Variants in VSNL1 observed in about 807,000 individuals in gnomAD.
The protein encoded by VSNL1 is visinin-like protein 1.
A neutral mutation model predicts 20.4 loss-of-function variants in VSNL1; 6 were observed. That is an observed-to-expected ratio of 0.29 (90% CI 0.16 to 0.58). The LOEUF is 0.58. VSNL1 is among the 20% of genes least tolerant of loss of function. The pLI is 0.90. For synonymous variants in VSNL1, 93 were observed against 86.4 expected (o/e 1.08, Z -0.42); for missense variants, 100 against 234.5 (o/e 0.43, Z 3.75).
At chr2:17,599,663 C>T (rs920048330) in intron 2 of VSNL1, among the ~76,000 whole-genome samples, 2 of 152,140 alleles carry the variant, frequency 1.3e-5, no homozygotes, top group Admixed American at 1.3e-4. Flanking sequence ...TATTCTAACC[C>T]CTGTCAGTCT....
intron 2 of VSNL1, among the ~76,000 whole-genome samples, chr2:17,628,451 C>T (rs1665558386): frequency 1.3e-5 from 2 of 152,130 alleles, no homozygotes; most frequent in African/African-American, 4.8e-5. Flanking sequence ...CCACTAGGTA[C>T]CGAGGGGCAG....
chr2:17,633,786 C>G (rs1665691365), intron 2 of VSNL1, among the ~76,000 whole-genome samples: 1 of 152,064 alleles, frequency 6.6e-6, no homozygotes, highest in Non-Finnish European at 1.5e-5. Flanking sequence ...AGGGGAAGCC[C>G]TTAACTCAGC....
chr2:17,614,456 G>T lies in VSNL1; in HGVS notation c.162+22220G>T, dbSNP rs143590117. On this transcript the variant is annotated intron_variant, in intron 2 of 3. Coordinates refer to ENST00000295156, the MANE Select transcript of VSNL1 (RefSeq NM_003385.5). ...TCCCAAGCACTTTGGAGCCGACTCC[G>T]CCTTTGCTTAGCAGTCACAGGGAAG... 6.6e-5 allele frequency among the ~76,000 whole-genome samples: 10 copies of T among 152,298 alleles called. No homozygotes were observed. The East Asian group carries it at 1.9e-3, about 29-fold the overall frequency.
chr2:17,641,950 T>C (rs1665890846), intron 2 of VSNL1, among the ~76,000 whole-genome samples: 1 of 152,204 alleles, frequency 6.6e-6, no homozygotes, highest in Non-Finnish European at 1.5e-5. Context: ...GTCATGAAAG[T>C]AACATCCCTT....
chr2:17,624,274 C>G (rs536689030), intron 2 of VSNL1, among the ~76,000 whole-genome samples: 1 of 152,192 alleles, frequency 6.6e-6, no homozygotes, highest in Non-Finnish European at 1.5e-5. Context: ...AGGTCTGAGG[C>G]TCACTCGCTG....
intron 2 of VSNL1, among the ~76,000 whole-genome samples, chr2:17,640,728 G>C (rs988958634): frequency 6.6e-6 from 1 of 151,840 alleles, no homozygotes; most frequent in African/African-American, 2.4e-5. Context: ...ACAATTGTAC[G>C]TATTTGTGGG....
intron 1 of VSNL1, among the ~76,000 whole-genome samples, chr2:17,579,423 C>T (rs1664298189): frequency 6.6e-6 from 1 of 152,144 alleles, no homozygotes; most frequent in Non-Finnish European, 1.5e-5. Context: ...CCACAAAGCC[C>T]ACTTCTTTCT....
intron 1 of VSNL1, among the ~76,000 whole-genome samples, chr2:17,591,080 A>AT (rs898520571): frequency 6.6e-6 from 1 of 152,064 alleles, no homozygotes; most frequent in Non-Finnish European, 1.5e-5. Context: ...AGTTATTTTA[A>AT]TTTTGGAATT....
At chr2:17,604,448 C>T (rs1202401541) in intron 2 of VSNL1, among the ~76,000 whole-genome samples, 11 of 152,248 alleles carry the variant, frequency 7.2e-5, no homozygotes, top group Admixed American at 6.5e-4. Context: ...GTACAGATCC[C>T]AGCCAGAGCT....
chr2:17,564,841 G>T (rs917585263), intron 1 of VSNL1, among the ~76,000 whole-genome samples: 3 of 152,130 alleles, frequency 2.0e-5, no homozygotes, highest in Non-Finnish European at 2.9e-5. Flanking sequence ...TGAAAGTATC[G>T]CAGATGCAAT....
chr2:17,648,131 A>G (rs1666038630), intron 2 of VSNL1, among the ~76,000 whole-genome samples: 1 of 152,178 alleles, frequency 6.6e-6, no homozygotes, highest in African/African-American at 2.4e-5. Flanking sequence ...GTGCCTAGCA[A>G]TGGGTACTAC....
At chr2:17,604,620 C>T (rs1664902633) in intron 2 of VSNL1, among the ~76,000 whole-genome samples, 1 of 152,250 alleles carries the variant, frequency 6.6e-6, no homozygotes, top group Non-Finnish European at 1.5e-5. Flanking sequence ...TGAGAACCAG[C>T]TGGGCCTGGC....
chr2:17,544,662 A>G (rs1209880483), intron 1 of VSNL1, among the ~76,000 whole-genome samples: 1 of 152,216 alleles, frequency 6.6e-6, no homozygotes, highest in Non-Finnish European at 1.5e-5. Flanking sequence ...AATTGATAAC[A>G]GCAATATATT....
intron 1 of VSNL1, among the ~76,000 whole-genome samples, chr2:17,571,894 A>G (rs1444318088): frequency 6.6e-6 from 1 of 152,238 alleles, no homozygotes; most frequent in African/African-American, 2.4e-5. Context: ...AGCCAGCCAT[A>G]AAGAATCTTA....
intron 2 of VSNL1, among the ~76,000 whole-genome samples, chr2:17,602,249 G>A (rs1042718776): frequency 6.6e-6 from 1 of 152,186 alleles, no homozygotes; most frequent in Admixed American, 6.5e-5. Context: ...AAGGATTCCT[G>A]GGCCATTGAC....
intron 1 of VSNL1, among the ~76,000 whole-genome samples, chr2:17,583,280 G>A (rs141503945): frequency 2.3e-4 from 35 of 152,350 alleles, no homozygotes; most frequent in African/African-American, 8.4e-4. Context: ...ATGTGCAGGT[G>A]AAGCGGGACA....
At chr2:17,604,042 C>T (rs1243505853) in intron 2 of VSNL1, among the ~76,000 whole-genome samples, 1 of 152,140 alleles carries the variant, frequency 6.6e-6, no homozygotes, top group Admixed American at 6.5e-5. Context: ...GAAGATAAAG[C>T]CTTCAAAACT....
chr2:17,606,400 G>A (rs1443535889), intron 2 of VSNL1, among the ~76,000 whole-genome samples: 3 of 152,146 alleles, frequency 2.0e-5, no homozygotes, highest in East Asian at 1.9e-4. Flanking sequence ...CTCCAAGTCC[G>A]AGTTTTCTCA....
In VSNL1 at chr2:17,625,840, A is replaced by ATT. The variant is rs35795117; in HGVS notation, c.163-23548_163-23547dup. ...CCAGGTTACAGCATCTCCTTAGCTG[A>ATT]TTTTTTTTTTTTTTTTTTTTTTTGA... is the stretch of plus-strand genomic sequence containing the variant. On this transcript the variant is annotated intron_variant, in intron 2 of 3. Transcript: ENST00000295156. Among the ~76,000 whole-genome samples, 996 of 108,458 alleles carry ATT rather than the reference A, an allele frequency of 9.2e-3. 25 individuals are homozygous for ATT. The highest frequency in any genetic ancestry group is 0.029 in the African/African-American group (799 of 27,550). 71.2% of individuals were successfully genotyped at this position (108,458 alleles called of 152,430 possible).
Sources: allele counts gnomAD v4.1 joint callset (sites outside exome capture counted in the v4.1 genomes callset), GRCh38; gene constraint gnomAD v4.1.1; transcripts MANE v1.5; gene names NCBI Gene and HGNC (gene_info 2026-07-23, HGNC 2026-07-21).